The following FOXP1 variants were observed in gnomAD, a reference collection of about 807,000 sequenced individuals.
FOXP1 encodes the protein forkhead box P1.
A neutral mutation model predicts 98.2 loss-of-function variants in FOXP1; 15 were observed. The observed-to-expected ratio is 0.15, with a 90% confidence interval of 0.10 to 0.24. The LOEUF (loss-of-function observed/expected upper bound fraction) is 0.24. Ranked by LOEUF, FOXP1 falls within the 10% of genes least tolerant of loss-of-function variation. FOXP1 has a pLI of 1.00. For missense variants in FOXP1, 633 were observed against 848.5 expected, an observed-to-expected ratio of 0.75 and a Z score of 3.15; for synonymous variants, 371 against 314.5, an observed-to-expected ratio of 1.18 and a Z score of -1.90.
At chr3:71,036,122 A>T (rs1052771867) in intron 11 of FOXP1, among the ~76,000 whole-genome samples, 11 of 152,234 alleles carry the variant, frequency 7.2e-5, no homozygotes, top group Non-Finnish European at 1.6e-4. Context: ...AATCAAAAAC[A>T]GAGACTGTGT....
intron 6 of FOXP1, among the ~76,000 whole-genome samples, chr3:71,132,791 T>C (rs1318931076): frequency 6.6e-6 from 1 of 152,172 alleles, no homozygotes; most frequent in East Asian, 1.9e-4. Context: ...AAACGAGTCC[T>C]GGGTAACTAA....
chr3:71,059,274 A>G (rs773480457), intron 7 of FOXP1, among the ~76,000 whole-genome samples: 13 of 152,166 alleles, frequency 8.5e-5, no homozygotes, highest in Non-Finnish European at 1.3e-4. Context: ...CTAATAAGCA[A>G]TCTCCAGCAA....
chr3:71,156,234 G>C (rs2060816972), intron 6 of FOXP1, among the ~76,000 whole-genome samples: 1 of 152,118 alleles, frequency 6.6e-6, no homozygotes, highest in Non-Finnish European at 1.5e-5. Context: ...GGGATCCCAT[G>C]ATGCATGGCT....
intron 3 of FOXP1, among the ~76,000 whole-genome samples, chr3:71,375,792 C>T (rs1271192742): frequency 3.3e-5 from 5 of 152,188 alleles, no homozygotes; most frequent in African/African-American, 1.2e-4. Flanking sequence ...ATGACTTTTA[C>T]AAAATCAGAC....
intron 3 of FOXP1, among the ~76,000 whole-genome samples, chr3:71,467,541 C>T (rs566363275): frequency 5.3e-5 from 8 of 152,290 alleles, no homozygotes; most frequent in African/African-American, 1.9e-4. Flanking sequence ...GGTGTGTCCT[C>T]AGCCATGCCA....
chr3:71,027,838 C>T (rs1330267848), intron 11 of FOXP1, among the ~76,000 whole-genome samples: 4 of 152,166 alleles, frequency 2.6e-5, no homozygotes, highest in Admixed American at 1.3e-4. Context: ...TAGGGGTACA[C>T]ATTCAACACT....
chr3:71,518,814 C>T (rs2042766242), intron 2 of FOXP1, among the ~76,000 whole-genome samples: 1 of 152,178 alleles, frequency 6.6e-6, no homozygotes, highest in Non-Finnish European at 1.5e-5. Context: ...ACTCTGTGAC[C>T]TTATAAGCAA....
At chr3:71,554,246 C>A (rs532169867) in intron 2 of FOXP1, among the ~76,000 whole-genome samples, 6 of 152,030 alleles carry the variant, frequency 3.9e-5, no homozygotes, top group African/African-American at 1.5e-4. Flanking sequence ...CCCAGCTACT[C>A]GGAAATCTGA....
intron 6 of FOXP1, among the ~76,000 whole-genome samples, chr3:71,129,914 T>C (rs904251647): frequency 6.6e-6 from 1 of 152,168 alleles, no homozygotes; most frequent in African/African-American, 2.4e-5. Context: ...AGGCAGGCTT[T>C]CCCTTTCCCT....
At chr3:71,423,006 G>A (rs2083786018) in intron 3 of FOXP1, among the ~76,000 whole-genome samples, 1 of 152,144 alleles carries the variant, frequency 6.6e-6, no homozygotes, top group Non-Finnish European at 1.5e-5. Flanking sequence ...TCAGGAGCCA[G>A]GAAAGAGCTG....
At chr3:71,581,417 A>AT (rs2048158511) in intron 2 of FOXP1, 132 bp downstream of exon 2, 1 of 985,326 alleles carries the variant, frequency 1.0e-6, no homozygotes, top group Non-Finnish European at 1.2e-6. Context: ...GGATGGGCAC[A>AT]TTCCTCGCTC....
At chr3:71,448,086 G>A (rs144550674) in intron 3 of FOXP1, among the ~76,000 whole-genome samples, 14 of 152,236 alleles carry the variant, frequency 9.2e-5, no homozygotes, top group Admixed American at 6.5e-4. Context: ...CTTCCCTGCC[G>A]AGGAATGTGA....
chr3:71,269,098 GTT>G (rs371969799), intron 5 of FOXP1, among the ~76,000 whole-genome samples: 1 of 136,740 alleles, frequency 7.3e-6, no homozygotes. Flanking sequence ...GGTTTTTTTT[GTT>G]TTTTTTTTTT....
At chr3:71,347,444 G>A (rs1191490519) in intron 4 of FOXP1, among the ~76,000 whole-genome samples, 6 of 152,162 alleles carry the variant, frequency 3.9e-5, no homozygotes, top group African/African-American at 1.4e-4. Flanking sequence ...AATATCAGCA[G>A]AGCCAGAGCC....
intron 19 of FOXP1, 39 bp downstream of exon 19, chr3:70,970,697 G>A (rs1381249789): frequency 1.4e-6 from 2 of 1,466,552 alleles, no homozygotes; most frequent in East Asian, 2.3e-5. Flanking sequence ...GGGGAGACCT[G>A]TGCCTCTGCT....
intron 11 of FOXP1, among the ~76,000 whole-genome samples, chr3:71,019,441 T>G (rs1486854286): frequency 6.6e-6 from 1 of 152,202 alleles, no homozygotes; most frequent in Non-Finnish European, 1.5e-5. Context: ...GGTCAATTGT[T>G]TAATAAGGTG....
At chr3:70,976,085 T>C (rs1375716016) in intron 17 of FOXP1, among the ~76,000 whole-genome samples, 1 of 149,778 alleles carries the variant, frequency 6.7e-6, no homozygotes, top group East Asian at 2.0e-4. Context: ...GGTCTTGCTC[T>C]GTTGCCCAGG....
intron 4 of FOXP1, among the ~76,000 whole-genome samples, chr3:71,329,325 C>A (rs2076144622): frequency 1.3e-5 from 2 of 151,812 alleles, no homozygotes; most frequent in South Asian, 4.2e-4. Flanking sequence ...GGGTTCACAC[C>A]ATTCTCCTGC....
At chr3:71,385,309 T>C (rs1358494705) in intron 3 of FOXP1, among the ~76,000 whole-genome samples, 1 of 152,194 alleles carries the variant, frequency 6.6e-6, no homozygotes, top group Non-Finnish European at 1.5e-5. Flanking sequence ...GTATTATAAA[T>C]CACCTAACAT....
Sources: allele counts gnomAD v4.1 joint callset (sites outside exome capture counted in the v4.1 genomes callset), GRCh38; gene constraint gnomAD v4.1.1; transcripts MANE v1.5; gene names NCBI Gene and HGNC (gene_info 2026-07-23, HGNC 2026-07-21).